Variants in AGAP1 observed in about 807,000 individuals in gnomAD.
The protein encoded by AGAP1 is ArfGAP with GTPase domain, ankyrin repeat and PH domain 1, also known as arf-GAP with GTPase, ANK repeat and PH domain-containing protein 1.
In AGAP1, 29 loss-of-function variants were observed where a neutral mutation model predicts 105.3. The ratio of observed to expected loss-of-function variants is 0.28; its 90% CI spans 0.21 to 0.38. AGAP1 has a LOEUF of 0.38. AGAP1 is among the 10% of genes least tolerant of loss of function. The pLI, the probability that AGAP1 is intolerant of heterozygous loss-of-function variation, is 1.00. For synonymous variants in AGAP1, 509 were observed against 485.9 expected, an observed-to-expected ratio of 1.05 and a Z score of -0.63; for missense variants, 998 against 1,165.1, an observed-to-expected ratio of 0.86 and a Z score of 2.09.
In AGAP1 at chr2:235,788,560, A is replaced by AG. The variant is rs1279593277; in HGVS notation, c.674-9196dup. Among the ~76,000 whole-genome samples the AG allele has an allele frequency of 6.6e-6, 1 of 151,198 alleles. No homozygotes were observed. Among genetic ancestry groups the AG allele is most frequent in the Admixed American group, 6.6e-5 (1 of 15,158 alleles). Reference sequence around the variant, plus strand: ...AAGGTGGGGCGAGGAGAAGAGCGGGAGGGTAGGTGAGGCCGGGCAAGGAGA... The same window carrying AG: ...AAGGTGGGGCGAGGAGAAGAGCGGGAGGGGTAGGTGAGGCCGGGCAAGGAGA... On this transcript the variant is annotated intron_variant, in intron 6 of 17. Coordinates refer to ENST00000304032, the MANE Select transcript of AGAP1 (RefSeq NM_001037131.3). This position sits in a 1 kb window ranked among gnomAD's most constrained non-coding sequence, Gnocchi z 6.0.
chr2:236,094,591 A>G (rs1394309755), intron 16 of AGAP1, among the ~76,000 whole-genome samples: 1 of 152,052 alleles, frequency 6.6e-6, no homozygotes, highest in East Asian at 1.9e-4. Flanking sequence ...GATTCAAGCG[A>G]TCCTCCCATC....
At chr2:235,926,491 C>T (rs542813398) in intron 11 of AGAP1, among the ~76,000 whole-genome samples, 12 of 152,290 alleles carry the variant, frequency 7.9e-5, no homozygotes, top group Middle Eastern at 6.8e-3. Flanking sequence ...CATGCATTTA[C>T]GTTGAAAGGC....
At chr2:235,673,289 G>A (rs1948536569) in intron 1 of AGAP1, among the ~76,000 whole-genome samples, 1 of 152,134 alleles carries the variant, frequency 6.6e-6, no homozygotes, top group South Asian at 2.1e-4. Context: ...GAATTTAGGT[G>A]CTGTTTAAGA....
intron 1 of AGAP1, among the ~76,000 whole-genome samples, chr2:235,632,396 C>T (rs2149290109): frequency 6.6e-6 from 1 of 152,282 alleles, no homozygotes; most frequent in East Asian, 1.9e-4. Flanking sequence ...CTCAGCCTCC[C>T]CTCTGCCTGT....
chr2:235,797,829 T>G lies in AGAP1; in HGVS notation c.744T>G (p.Asn248Lys). The G allele has an allele frequency of 6.2e-7, 1 of 1,614,218 alleles. No homozygotes were observed. Among genetic ancestry groups the G allele is most frequent in the Non-Finnish European group, 8.5e-7 (1 of 1,180,030 alleles). ...LSIGPCKSLP[N>K]SPSHSSVCSA... is the part of the protein sequence containing the mutation. ...TAGGACCCTGCAAGTCGCTACCTAA[T>G]TCTCCCAGCCATTCCTCCGTCTGTT... Residue 248 changes from asparagine (N) to lysine (K), a missense_variant, in exon 7 of 18, where the codon AAT becomes AAG. Physicochemically the swap from Asn to Lys is moderately conservative, Grantham distance 94 (BLOSUM62 0). Coordinates refer to ENST00000304032, the MANE Select transcript of AGAP1 (RefSeq NM_001037131.3).
rs934634193 is a variant in AGAP1 at position 236,090,656 on chromosome 2, T to C, written c.2115-29536T>C. Among the ~76,000 whole-genome samples the C allele has an allele frequency of 1.6e-4, 24 of 152,226 alleles. 1 individual carries two copies. Among genetic ancestry groups the C allele is most frequent in the African/African-American group, 5.5e-4 (23 of 41,462 alleles). ...TTGAAAGCTAGCAGGGAGGGGGTCT[T>C]CCTGGTTATACGGCCCAGCTTGCAA... On this transcript the variant is annotated intron_variant, in intron 16 of 17. Transcript: ENST00000304032. This position sits in a 1 kb window ranked among gnomAD's most constrained non-coding sequence, Gnocchi z 4.3.
chr2:235,496,813 T>C (rs1941339588), intron 1 of AGAP1, among the ~76,000 whole-genome samples: 1 of 152,262 alleles, frequency 6.6e-6, no homozygotes, highest in South Asian at 2.1e-4. Context: ...GACAGCACGA[T>C]GCCTACCTTT....
chr2:235,536,945 A>G (rs1267162013), intron 1 of AGAP1, among the ~76,000 whole-genome samples: 2 of 152,112 alleles, frequency 1.3e-5, no homozygotes, highest in Admixed American at 1.3e-4. Context: ...TGCTGTGGGC[A>G]GGTGCAGGAG....
At chr2:235,630,467 T>C (rs1946792029) in intron 1 of AGAP1, among the ~76,000 whole-genome samples, 2 of 152,196 alleles carry the variant, frequency 1.3e-5, no homozygotes, top group South Asian at 4.1e-4. Context: ...TGCCTCGGCC[T>C]CCCAAAGTGC....
At chr2:235,673,332 A>G (rs1183923954) in intron 1 of AGAP1, among the ~76,000 whole-genome samples, 5 of 152,226 alleles carry the variant, frequency 3.3e-5, no homozygotes, top group Admixed American at 6.5e-5. Flanking sequence ...CTAAGGTAAC[A>G]GTCAGATACA....
Position 235,798,894 on chromosome 2 carries a change from A to AG in AGAP1, c.802-472dup, listed in dbSNP as rs1280189680. Among the ~76,000 whole-genome samples, 105 of 150,110 alleles carry AG rather than the reference A, an allele frequency of 7.0e-4. 1 individual carries two copies. Among genetic ancestry groups the AG allele is most frequent in the African/African-American group, 6.4e-4 (26 of 40,324 alleles). On this transcript the variant is annotated intron_variant, in intron 7 of 17. Transcript: ENST00000304032. ...TCAAAAAAAAAAAAAAAAAAAAAAA[A>AG]GAATGTCTTCACTTGCTGTGTTTAA...
rs1197718603 is a variant in AGAP1, at chr2:235,965,461, A to G, written c.1484-3001A>G. Reference sequence around the variant, plus strand: ...TGGTGAAGGAAGCCAGACTTCAAGGAGTCAGGAAGAAACACAGTGGATTTA... The same window carrying G: ...TGGTGAAGGAAGCCAGACTTCAAGGGGTCAGGAAGAAACACAGTGGATTTA... On this transcript the variant is annotated intron_variant, in intron 12 of 17. Coordinates refer to ENST00000304032, the MANE Select transcript of AGAP1 (RefSeq NM_001037131.3). The surrounding 1 kb of genome is among the most constrained non-coding windows in gnomAD (Gnocchi z 5.8). 6.6e-6 allele frequency among the ~76,000 whole-genome samples: 1 copy of G among 152,170 alleles called. No individual in the cohort carries two copies. The highest frequency in any genetic ancestry group is 1.9e-4 in the East Asian group (1 of 5,180).
At chr2:235,954,783 T>A (rs1369320519) in intron 12 of AGAP1, among the ~76,000 whole-genome samples, 1 of 151,928 alleles carries the variant, frequency 6.6e-6, no homozygotes, top group African/African-American at 2.4e-5. Flanking sequence ...ATTAACTCTC[T>A]CCGTTTGCTG....
chr2:236,058,314 C>T lies in AGAP1; in HGVS notation c.2114+9033C>T, dbSNP rs1452332469. ...TTTACCAGACTGTTGTCTGGCTTAG[C>T]ATATCCAGTATATCCCAGCAGATGT... On this transcript the variant is annotated intron_variant, in intron 16 of 17. Coordinates refer to ENST00000304032, the MANE Select transcript of AGAP1 (RefSeq NM_001037131.3). The surrounding 1 kb of genome is among the most constrained non-coding windows in gnomAD (Gnocchi z 4.6). 6.6e-6 allele frequency among the ~76,000 whole-genome samples: 1 copy of T among 152,174 alleles called. No homozygotes were observed. The highest frequency in any genetic ancestry group is 6.5e-5 in the Admixed American group (1 of 15,274).
chr2:236,104,811 T>A lies in AGAP1; in HGVS notation c.2115-15381T>A, dbSNP rs1414634138. Among the ~76,000 whole-genome samples the A allele has an allele frequency of 2.6e-5, 4 of 152,098 alleles. No individual in the cohort carries two copies. Among genetic ancestry groups the A allele is most frequent in the African/African-American group, 9.7e-5 (4 of 41,416 alleles). The stretch of plus-strand genomic sequence containing the variant: ...GGCTGAGGCAGGCAGGAGAATCGCT[T>A]GAACCGGGACCCGGGAGGCGGAGGT... On this transcript the variant is annotated intron_variant, in intron 16 of 17. Coordinates refer to ENST00000304032, the MANE Select transcript of AGAP1 (RefSeq NM_001037131.3). The surrounding 1 kb of genome is among the most constrained non-coding windows in gnomAD (Gnocchi z 4.7).
At position 235,663,335 on chromosome 2, in the gene AGAP1, G is replaced by A. The variant is rs553216602; in HGVS notation, c.164-45844G>A. Among the ~76,000 whole-genome samples, 8 of 152,166 alleles carry A rather than the reference G, an allele frequency of 5.3e-5. No individual in the cohort carries two copies. The highest frequency in any genetic ancestry group is 2.0e-4 in the Admixed American group (3 of 15,282). Reference sequence around the variant, plus strand: ...AAAAAAAAAGAAGGGGAGCGATCACGTGCATCCCTCTGCTGAGATGGGAGC... The same window carrying A: ...AAAAAAAAAGAAGGGGAGCGATCACATGCATCCCTCTGCTGAGATGGGAGC... On this transcript the variant is annotated intron_variant, in intron 1 of 17. Transcript: ENST00000304032. The surrounding 1 kb of genome is among the most constrained non-coding windows in gnomAD (Gnocchi z 5.4).
intron 1 of AGAP1, among the ~76,000 whole-genome samples, chr2:235,666,404 CGGGAGCATGT>C (rs1948128660): frequency 6.6e-6 from 1 of 151,974 alleles, no homozygotes. Context: ...AGTGACATGT[CGGGAGCATGT>C]GTCTTCTTTG....
At chr2:235,648,391 T>C (rs1284222873) in intron 1 of AGAP1, among the ~76,000 whole-genome samples, 3 of 152,226 alleles carry the variant, frequency 2.0e-5, no homozygotes, top group Non-Finnish European at 4.4e-5. Flanking sequence ...AAATGCACTC[T>C]TGGAACCATG....
At chr2:235,764,095 C>T (rs994289935) in intron 6 of AGAP1, among the ~76,000 whole-genome samples, 1 of 152,050 alleles carries the variant, frequency 6.6e-6, no homozygotes, top group Admixed American at 6.6e-5. Flanking sequence ...CATGTGGAGG[C>T]GAACTTCCAC....
Sources: gnomAD v4.1 joint callset for allele counts (sites outside exome capture counted in the v4.1 genomes callset) on GRCh38, gnomAD v4.1.1 for gene constraint, Gnocchi (gnomAD v3.1) non-coding constraint, MANE v1.5 for transcripts, NCBI Gene and HGNC (gene_info 2026-07-23, HGNC 2026-07-21) for gene names.